BUB1: variants seen among roughly 807,000 people sequenced by gnomAD.
BUB1 encodes mitotic checkpoint serine/threonine-protein kinase BUB1.
Under a neutral mutation model 135.2 loss-of-function variants are expected in BUB1, and 84 were observed. That is an observed-to-expected ratio of 0.62 (90% confidence interval 0.52 to 0.74). The LOEUF is 0.74. Among genes scored for constraint, BUB1 ranks in the 30% least tolerant of loss-of-function variants. BUB1 has a pLI of 0.00. For missense variants in BUB1, 1,162 were observed against 1,288.3 expected (o/e 0.90, Z 1.50); for synonymous variants, 403 against 434.4 (o/e 0.93, Z 0.90).
intron 18 of BUB1, among the ~76,000 whole-genome samples, chr2:110,649,970 G>T (rs1237274974): frequency 6.6e-6 from 1 of 152,146 alleles, no homozygotes; most frequent in African/African-American, 2.4e-5. Context: ...AGCACATGCA[G>T]AACACTGTTC....
intron 1 of BUB1, among the ~76,000 whole-genome samples, chr2:110,677,466 A>G (rs1338969684): frequency 1.3e-5 from 2 of 152,252 alleles, no homozygotes; most frequent in Non-Finnish European, 2.9e-5. Context: ...ACATCACTCA[A>G]TAATGAGCAA....
chr2:110,663,051 T>C (rs1317866674), intron 9 of BUB1, among the ~76,000 whole-genome samples: 5 of 152,114 alleles, frequency 3.3e-5, no homozygotes, highest in African/African-American at 7.2e-5. Flanking sequence ...GAGGCCGAGG[T>C]AGGTGGATCA....
chr2:110,660,422 T>G (rs966730400), intron 10 of BUB1, among the ~76,000 whole-genome samples: 1 of 152,082 alleles, frequency 6.6e-6, no homozygotes, highest in South Asian at 2.1e-4. Context: ...TCTATTAGAA[T>G]TTTTAACTGA....
At chr2:110,645,242 T>C (rs1250761196) in intron 19 of BUB1, among the ~76,000 whole-genome samples, 2 of 152,044 alleles carry the variant, frequency 1.3e-5, no homozygotes, top group Non-Finnish European at 2.9e-5. Flanking sequence ...GAGACCAGCC[T>C]GACCAATATG....
intron 4 of BUB1, among the ~76,000 whole-genome samples, chr2:110,671,460 T>C (rs1298744057): frequency 6.6e-6 from 1 of 152,162 alleles, no homozygotes; most frequent in Non-Finnish European, 1.5e-5. Flanking sequence ...AAAATCTCAA[T>C]GACGTTTTAA....
rs1471091929 is a variant in BUB1, at chr2:110,649,027, G to GAGTT, written c.2347+203_2347+206dup. The GAGTT allele has an allele frequency of 1.0e-5, 4 of 399,600 alleles. No individual in the cohort carries two copies. In the South Asian group the frequency reaches 4.9e-4, roughly 49 times the overall value. The allele number at this position is 399,600 out of a possible 1,614,324, so 24.8% of individuals were successfully genotyped here. A position where few individuals can be genotyped will look rare whatever the true frequency, so the allele number is the denominator to read the frequency against. ...TAGATATTGGCAAATTGCCCTCTAT[G>GAGTT]AGTTATAGGAGTTATAGTCCCAACA... On this transcript the variant is annotated intron_variant, in intron 19 of 24. Coordinates refer to ENST00000302759, the MANE Select transcript of BUB1 (RefSeq NM_004336.5).
chr2:110,658,468 G>A lies in BUB1; in HGVS notation c.1458C>T (p.Asp486=). 1 of 1,613,958 alleles carries A rather than the reference G, an allele frequency of 6.2e-7. No individual in the cohort carries two copies. Among genetic ancestry groups the A allele is most frequent in the Non-Finnish European group, 8.5e-7 (1 of 1,179,966 alleles). Residue 486 remains aspartate (D), a synonymous_variant, in exon 13 of 25, where the codon GAC becomes GAT. Transcript: ENST00000302759. Reference sequence around the variant, plus strand: ...GATCTAGAGATTGCCATTCATCTTTGTCATCAGAAATATCAGGAAGTGTAG... The same window carrying A: ...GATCTAGAGATTGCCATTCATCTTTATCATCAGAAATATCAGGAAGTGTAG... ...QAPTLPDISD[D]KDEWQSLDQN...
At chr2:110,668,906 A>C (rs1356307673) in intron 6 of BUB1, among the ~76,000 whole-genome samples, 1 of 152,240 alleles carries the variant, frequency 6.6e-6, no homozygotes. Flanking sequence ...ACTGAAAAGA[A>C]GTCTAAAATC....
chr2:110,647,136 A>G (rs986076915), intron 19 of BUB1, among the ~76,000 whole-genome samples: 1 of 152,212 alleles, frequency 6.6e-6, no homozygotes, highest in Non-Finnish European at 1.5e-5. Flanking sequence ...CATTCTCAAC[A>G]ATCTCTCGCA....
intron 16 of BUB1, 127 bp from the exon 17 acceptor site, chr2:110,653,650 G>C: frequency 1.4e-6 from 1 of 740,246 alleles, no homozygotes; most frequent in Non-Finnish European, 2.2e-6. Context: ...TTTCAAAATA[G>C]TGTTCCATTG....
Position 110,637,728 on chromosome 2 carries a change from A to C in BUB1, c.*236T>G, listed in dbSNP as rs1279433671. The C allele has an allele frequency of 5.8e-6, 2 of 343,360 alleles. No homozygotes were observed. The highest frequency in any genetic ancestry group is 4.2e-5 in the African/African-American group (2 of 47,382). The allele number at this position is 343,360 out of a possible 1,614,324, so 21.3% of individuals were successfully genotyped here. On this transcript the variant is annotated 3_prime_UTR_variant, in exon 25 of 25. Transcript: ENST00000302759. ...GATTTCTAGAGAATGCTCATGTCTG[A>C]ATTATTCTCACAAATGCTTGCATCC...
intron 4 of BUB1, among the ~76,000 whole-genome samples, chr2:110,671,890 G>GA (rs35090825): frequency 1.4e-4 from 21 of 152,090 alleles, no homozygotes; most frequent in Non-Finnish European, 2.1e-4. Flanking sequence ...TTTAATCATA[G>GA]AAAAAGTTTT....
chr2:110,658,377 C>A, intron 13 of BUB1, 33 bp downstream of exon 13: 1 of 1,534,458 alleles, frequency 6.5e-7, no homozygotes, highest in Non-Finnish European at 9.0e-7. Context: ...ACCTATAATG[C>A]TATGCACTTA....
chr2:110,656,444 A>G (rs1689934568), intron 15 of BUB1, among the ~76,000 whole-genome samples: 1 of 151,904 alleles, frequency 6.6e-6, no homozygotes, highest in South Asian at 2.1e-4. Flanking sequence ...TCTTTTTTGT[A>G]CTGACACTTT....
At chr2:110,662,122 T>A (rs1325888357) in intron 9 of BUB1, 4 of 339,726 alleles carry the variant, frequency 1.2e-5, no homozygotes, top group Non-Finnish European at 2.1e-5. Flanking sequence ...TGTATCAGCA[T>A]TTAAGTATTA....
chr2:110,673,201 C>G lies in BUB1; in HGVS notation c.226-344G>C, dbSNP rs1045397717. Among the ~76,000 whole-genome samples the G allele has an allele frequency of 2.6e-5, 4 of 152,210 alleles. 1 individual carries two copies. The highest frequency in any genetic ancestry group is 2.0e-4 in the Admixed American group (3 of 15,288). On this transcript the variant is annotated intron_variant, in intron 3 of 24. Coordinates refer to ENST00000302759, the MANE Select transcript of BUB1 (RefSeq NM_004336.5). Reference sequence around the variant, plus strand: ...TGGAGGGTGTCACACCTGGAAAGGGCAAGGAAGCTCCACACACCTTCCCCA... The same window carrying G: ...TGGAGGGTGTCACACCTGGAAAGGGGAAGGAAGCTCCACACACCTTCCCCA...
rs1385814824 is a variant in BUB1, at chr2:110,650,609, C to T, written c.2140G>A (p.Ala714Thr). 1 of 1,613,948 alleles carries T rather than the reference C, an allele frequency of 6.2e-7. No individual in the cohort carries two copies. The highest frequency in any genetic ancestry group is 2.2e-5 in the East Asian group (1 of 44,864). Residue 714 changes from alanine to threonine, a missense_variant, in exon 18 of 25, where the codon GCT becomes ACT. By Grantham distance (58) the Ala-to-Thr change is moderately conservative. Coordinates refer to ENST00000302759, the MANE Select transcript of BUB1 (RefSeq NM_004336.5). ...CATTCTGCTTGGAGCCCAGCAATAGCATCTGGTGGATCTTCTGCAATGGCA... is the reference window on the plus strand; with the variant it reads ...CATTCTGCTTGGAGCCCAGCAATAGTATCTGGTGGATCTTCTGCAATGGCA... ...DAAIAEDPPD[A>T]IAGLQAEWMQ...
chr2:110,672,970 G>T, intron 3 of BUB1, 113 bp from the exon 4 acceptor site: 1 of 1,066,394 alleles, frequency 9.4e-7, no homozygotes, highest in Non-Finnish European at 1.3e-6. Flanking sequence ...ATGGGAGCTG[G>T]TCATCAGCAA....
At chr2:110,640,567 G>T (rs1689476040) in intron 23 of BUB1, among the ~76,000 whole-genome samples, 1 of 152,136 alleles carries the variant, frequency 6.6e-6, no homozygotes, top group Non-Finnish European at 1.5e-5. Flanking sequence ...TAGGAATCTG[G>T]CTGTACCATC....
Sources: allele counts gnomAD v4.1 joint callset (sites outside exome capture counted in the v4.1 genomes callset), GRCh38; gene constraint gnomAD v4.1.1; transcripts MANE v1.5; gene names NCBI Gene and HGNC (gene_info 2026-07-23, HGNC 2026-07-21).